Variants in MAP3K7CL observed in about 807,000 individuals in gnomAD.
The protein encoded by MAP3K7CL is MAP3K7 C-terminal-like protein.
Under a neutral mutation model 18.6 loss-of-function variants are expected in MAP3K7CL, and 16 were observed. The ratio of observed to expected loss-of-function variants is 0.86; its 90% CI spans 0.58 to 1.31. The LOEUF (loss-of-function observed/expected upper bound fraction) is 1.31. Among genes scored for constraint, MAP3K7CL ranks in the 50% most tolerant of loss-of-function variants. The probability of loss-of-function intolerance (pLI) is 0.00; values close to 1 mark genes in which losing one functional copy is unlikely to be tolerated. For missense variants in MAP3K7CL, 163 were observed against 174.4 expected (o/e 0.93, Z 0.37); for synonymous variants, 65 against 66.8 (o/e 0.97, Z 0.13).
At chr21:29,116,016 G>A (rs1400844088) in intron 4 of MAP3K7CL, among the ~76,000 whole-genome samples, 1 of 152,212 alleles carries the variant, frequency 6.6e-6, no homozygotes, top group Non-Finnish European at 1.5e-5. Context: ...CTGTTCCGTG[G>A]CTTTCTGCAT....
chr21:29,119,749 A>T (rs576588538), intron 4 of MAP3K7CL, among the ~76,000 whole-genome samples: 3 of 141,994 alleles, frequency 2.1e-5, no homozygotes, highest in African/African-American at 7.9e-5. Context: ...TGCAACCTCC[A>T]CCTCCCGGGT....
intron 4 of MAP3K7CL, among the ~76,000 whole-genome samples, chr21:29,122,480 C>T (rs1042640904): frequency 5.3e-5 from 8 of 152,192 alleles, no homozygotes; most frequent in East Asian, 1.9e-4. Context: ...AAATTGTGGG[C>T]GATTTTATTG....
chr21:29,162,364 G>T (rs2832228), intron 4 of MAP3K7CL, among the ~76,000 whole-genome samples: 1 of 150,030 alleles, frequency 6.7e-6, no homozygotes, highest in African/African-American at 2.4e-5. Context: ...TGTTCTGTAA[G>T]TTTTTTTTAT....
intron 4 of MAP3K7CL, among the ~76,000 whole-genome samples, chr21:29,099,523 T>C (rs1169595816): frequency 6.6e-6 from 1 of 152,190 alleles, no homozygotes; most frequent in African/African-American, 2.4e-5. Context: ...TATATATAAG[T>C]ACAGCCATGG....
chr21:29,124,464 A>G (rs943072662), intron 4 of MAP3K7CL, among the ~76,000 whole-genome samples: 2 of 152,194 alleles, frequency 1.3e-5, no homozygotes, highest in African/African-American at 4.8e-5. Context: ...AAATATTTAG[A>G]TAAAAGATTA....
At chr21:29,172,661 A>G (rs943057813) in intron 4 of MAP3K7CL, among the ~76,000 whole-genome samples, 2 of 152,152 alleles carry the variant, frequency 1.3e-5, no homozygotes, top group African/African-American at 4.8e-5. Context: ...CAGGTATATA[A>G]TTTATGAATG....
At chr21:29,120,579 A>T (rs2086575082) in intron 4 of MAP3K7CL, among the ~76,000 whole-genome samples, 1 of 152,194 alleles carries the variant, frequency 6.6e-6, no homozygotes, top group Admixed American at 6.5e-5. Context: ...ATTTCTCATC[A>T]CCTTAAAACC....
intron 4 of MAP3K7CL, among the ~76,000 whole-genome samples, chr21:29,099,348 T>C (rs2086180974): frequency 6.6e-6 from 1 of 150,744 alleles, no homozygotes; most frequent in South Asian, 2.1e-4. Flanking sequence ...CAAGCCATTT[T>C]CCTGCCTTGG....
chr21:29,083,736 T>C (rs2085875440), upstream of MAP3K7CL, among the ~76,000 whole-genome samples: 1 of 152,098 alleles, frequency 6.6e-6, no homozygotes, highest in South Asian at 2.1e-4. Flanking sequence ...CTGATTGTTC[T>C]TTCTTTTTTG....
intron 4 of MAP3K7CL, among the ~76,000 whole-genome samples, chr21:29,096,129 G>C (rs1323395496): frequency 6.6e-6 from 1 of 152,156 alleles, no homozygotes; most frequent in African/African-American, 2.4e-5. Flanking sequence ...TGGGATCTTA[G>C]GAAATTTAGT....
intron 4 of MAP3K7CL, among the ~76,000 whole-genome samples, chr21:29,098,287 A>G (rs940443699): frequency 1.3e-5 from 2 of 152,146 alleles, no homozygotes; most frequent in African/African-American, 4.8e-5. Flanking sequence ...TGTCAACTCT[A>G]TGTTTAAGAT....
chr21:29,103,790 C>G (rs2086274104), intron 4 of MAP3K7CL, among the ~76,000 whole-genome samples: 1 of 151,118 alleles, frequency 6.6e-6, no homozygotes, highest in South Asian at 2.1e-4. Context: ...CCCAGCTACT[C>G]AGGGAGGCTG....
chr21:29,149,170 T>G lies in MAP3K7CL; in HGVS notation c.71-19T>G, dbSNP rs1387051304. ...GAAAGAGCTCCATAGTGAAGAATCA[T>G]TTTATTTCCTTGTTTTAGATGATAC... is the stretch of plus-strand genomic sequence containing the variant. On this transcript the variant is annotated intron_variant, in intron 2 of 4. Coordinates refer to ENST00000399928, the MANE Select transcript of MAP3K7CL (RefSeq NM_001286620.2). The G allele has an allele frequency of 6.2e-7, 1 of 1,610,202 alleles. No individual in the cohort carries two copies. The highest frequency in any genetic ancestry group is 8.5e-7 in the Non-Finnish European group (1 of 1,176,408).
At chr21:29,168,987 T>C (rs2087757816) in intron 4 of MAP3K7CL, among the ~76,000 whole-genome samples, 1 of 152,192 alleles carries the variant, frequency 6.6e-6, no homozygotes, top group Admixed American at 6.5e-5. Flanking sequence ...AATCTCCACT[T>C]CCTTTAGGTG....
chr21:29,168,488 AT>A lies in MAP3K7CL; in HGVS notation c.249-6220del, dbSNP rs1294898845. Among the ~76,000 whole-genome samples, 6 of 152,246 alleles carry A rather than the reference AT, an allele frequency of 3.9e-5. No individual in the cohort carries two copies. The East Asian group carries it at 1.2e-3, about 29-fold the overall frequency. The stretch of plus-strand genomic sequence containing the variant: ...GAGATGTAGCCAAAGGTATTCTTTC[AT>A]TTTAGTACTTAGGTTTTTGTGAAAT... On this transcript the variant is annotated intron_variant, in intron 4 of 4. Coordinates refer to ENST00000399928, the MANE Select transcript of MAP3K7CL (RefSeq NM_001286620.2).
At chr21:29,160,172 G>A (rs2087512346) in intron 4 of MAP3K7CL, 116 bp downstream of exon 4, 1 of 680,482 alleles carries the variant, frequency 1.5e-6, no homozygotes, top group East Asian at 2.9e-5. Context: ...GGGGGTTACA[G>A]CAATGATTCA....
chr21:29,081,034 A>G (rs1330751726), upstream of MAP3K7CL, among the ~76,000 whole-genome samples: 2 of 152,070 alleles, frequency 1.3e-5, no homozygotes, highest in Non-Finnish European at 2.9e-5. Flanking sequence ...CAGACTTGGC[A>G]GTTAGAATTG....
Position 29,113,497 on chromosome 21 carries a change from C to A in MAP3K7CL, c.370+20916C>A, listed in dbSNP as rs12483450. 8.2e-4 allele frequency among the ~76,000 whole-genome samples: 124 copies of A among 152,114 alleles called. 1 individual carries two copies. The highest frequency in any genetic ancestry group is 3.4e-3 in the Middle Eastern group (1 of 294). On this transcript the variant is annotated intron_variant, in intron 4 of 6. Transcript: ENST00000286791. ...CTGGTTGCTCGCTCTGTGCTCACTG[C>A]GGCTGGAGTGCAGTGGCATGATCTC...
At chr21:29,092,564 T>C (rs1389016915) in exon 4 of MAP3K7CL, 5 of 1,614,072 alleles carry the variant, frequency 3.1e-6, no homozygotes, top group East Asian at 4.5e-5. Context: ...CCCGTGGAAA[T>C]CCCCAGCTCC....
Sources: gnomAD v4.1 joint callset for allele counts (sites outside exome capture counted in the v4.1 genomes callset) on GRCh38, gnomAD v4.1.1 for gene constraint, MANE v1.5 for transcripts, NCBI Gene and HGNC (gene_info 2026-07-23, HGNC 2026-07-21) for gene names.